KRT8: variants seen among roughly 807,000 people sequenced by gnomAD.
KRT8 encodes keratin 8.
In KRT8, 24 loss-of-function variants were observed where a neutral mutation model predicts 43.0. That is an observed-to-expected ratio of 0.56 (90% CI 0.40 to 0.78). The LOEUF is 0.78. Ranked by LOEUF, KRT8 falls within the 30% of genes least tolerant of loss-of-function variation. The probability of loss-of-function intolerance (pLI) is 0.00; values close to 1 mark genes in which losing one functional copy is unlikely to be tolerated. For missense variants in KRT8, 492 were observed against 638.4 expected, an observed-to-expected ratio of 0.77 and a Z score of 2.47; for synonymous variants, 214 against 261.2, an observed-to-expected ratio of 0.82 and a Z score of 1.74.
intron 2 of KRT8, among the ~76,000 whole-genome samples, chr12:52,917,234 A>G (rs1425588525): frequency 2.6e-5 from 4 of 151,884 alleles, no homozygotes; most frequent in African/African-American, 2.4e-5. Flanking sequence ...TGGTAAAAAA[A>G]TATATATATA....
Position 52,901,814 on chromosome 12 carries a change from T to G in KRT8, c.533+50A>C, listed in dbSNP as rs780918554. The G allele has an allele frequency of 6.3e-5, 81 of 1,286,946 alleles. No individual in the cohort carries two copies. In the African/African-American group the frequency reaches 8.0e-4, roughly 13 times the overall value. The allele number at this position is 1,286,946 out of a possible 1,614,324, so 79.7% of individuals were successfully genotyped here. ...GACTTAGTCCCAAGGTCCCAAGGGGTGGAGGAGAGCACGGTGACTTCAGTT... is the reference window on the plus strand; with the variant it reads ...GACTTAGTCCCAAGGTCCCAAGGGGGGGAGGAGAGCACGGTGACTTCAGTT... On this transcript the variant is annotated intron_variant, in intron 2 of 7. Transcript: ENST00000692008.
At chr12:52,945,411 T>A (rs1942328557) in intron 2 of KRT8, among the ~76,000 whole-genome samples, 1 of 152,214 alleles carries the variant, frequency 6.6e-6, no homozygotes, top group African/African-American at 2.4e-5. Context: ...GTTTTGTGTA[T>A]AGACCCCATC....
rs1027757149 is a variant in KRT8 at position 52,919,387 on chromosome 12, C to A, written c.-46-14360G>T. ...GTTCAAGCAATTCTCCTGTCTCAGCCTCCCAAGTAGCTGGGACTACAGGCA... is the reference window on the plus strand; with the variant it reads ...GTTCAAGCAATTCTCCTGTCTCAGCATCCCAAGTAGCTGGGACTACAGGCA... On this transcript the variant is annotated intron_variant, in intron 2 of 6. Coordinates refer to the KRT8 transcript ENST00000546826. Among the ~76,000 whole-genome samples, 12 of 152,154 alleles carry A rather than the reference C, an allele frequency of 7.9e-5. 1 individual carries two copies. Among genetic ancestry groups the A allele is most frequent in the Admixed American group, 7.9e-4 (12 of 15,268 alleles).
intron 2 of KRT8, among the ~76,000 whole-genome samples, chr12:52,923,166 G>A (rs186936513): frequency 7.9e-5 from 12 of 152,236 alleles, no homozygotes; most frequent in Admixed American, 4.6e-4. Flanking sequence ...AAATCAAAGC[G>A]TTCTAAGGTT....
chr12:52,920,163 T>A (rs553133693), intron 2 of KRT8, among the ~76,000 whole-genome samples: 13 of 152,180 alleles, frequency 8.5e-5, no homozygotes, highest in Non-Finnish European at 2.9e-5. Context: ...TGTCAATAAC[T>A]CAAAAGGGAG....
rs1286075666 is a variant in KRT8 at position 52,918,088 on chromosome 12, GAA to G, written c.-46-13063_-46-13062del. Among the ~76,000 whole-genome samples the G allele has an allele frequency of 8.3e-4, 113 of 136,780 alleles. 3 individuals are homozygous for G. The highest frequency in any genetic ancestry group is 2.9e-3 in the African/African-American group (101 of 34,664). 89.7% of individuals were successfully genotyped at this position (136,780 alleles called of 152,430 possible). A position where few individuals can be genotyped will look rare whatever the true frequency, so the allele number is the denominator to read the frequency against. ...GAGAAGAAGAAGAGGAGGAGGAGGA[GAA>G]GAAGAAGAGGAAGAAGAAGAAGAAG... On this transcript the variant is annotated intron_variant, in intron 2 of 6. Transcript: ENST00000546826.
intron 2 of KRT8, among the ~76,000 whole-genome samples, chr12:52,933,717 CG>C (rs1230233507): frequency 3.3e-5 from 5 of 151,896 alleles, no homozygotes; most frequent in Non-Finnish European, 7.4e-5. Context: ...CTCCGCCTCC[CG>C]GGTTCAAGCA....
chr12:52,906,892 C>A, upstream of KRT8: 1 of 400,060 alleles, frequency 2.5e-6, no homozygotes, highest in Non-Finnish European at 5.0e-6. Flanking sequence ...GGACCCCTAC[C>A]CAGAAGGACA....
chr12:52,900,559 C>T (rs746267182), intron 4 of KRT8, 29 bp downstream of exon 4: 3 of 1,451,314 alleles, frequency 2.1e-6, no homozygotes, highest in Admixed American at 1.7e-5. Flanking sequence ...GGCTGGGGGA[C>T]CCTCACTCTC....
At chr12:52,900,002 G>A (rs941345175) in exon 5 of KRT8, 6 of 1,612,910 alleles carry the variant, frequency 3.7e-6, no homozygotes, top group Admixed American at 1.7e-5. Context: ...TCCAGGGAGC[G>A]GCTGTTGTCC....
At chr12:52,918,653 A>G (rs994971866) in intron 2 of KRT8, among the ~76,000 whole-genome samples, 1 of 152,216 alleles carries the variant, frequency 6.6e-6, no homozygotes, top group Non-Finnish European at 1.5e-5. Flanking sequence ...GAAAATGCAG[A>G]TAGTAACAAC....
At chr12:52,901,955 T>C in exon 2 of KRT8, 2 of 1,609,428 alleles carry the variant, frequency 1.2e-6, no homozygotes, top group Non-Finnish European at 1.7e-6. Flanking sequence ...AGCTGCCGCC[T>C]AAGGTTGTTG....
intron 2 of KRT8, among the ~76,000 whole-genome samples, chr12:52,931,075 T>C (rs1203321477): frequency 6.6e-6 from 1 of 151,508 alleles, no homozygotes; most frequent in Admixed American, 6.6e-5. Context: ...CAGATTCTTT[T>C]TTTTTTTTTT....
chr12:52,901,559 T>C (rs1941370610), intron 2 of KRT8: 2 of 562,086 alleles, frequency 3.6e-6, no homozygotes, highest in South Asian at 2.0e-5. Context: ...GAATGTTAAG[T>C]ACAAAAGTGA....
intron 2 of KRT8, among the ~76,000 whole-genome samples, chr12:52,914,312 G>A (rs1011239943): frequency 4.7e-5 from 7 of 150,218 alleles, no homozygotes; most frequent in Non-Finnish European, 8.9e-5. Flanking sequence ...CGAGGCAGGC[G>A]GATCACCTGA....
At chr12:52,917,239 T>C (rs150641227) in intron 2 of KRT8, among the ~76,000 whole-genome samples, 5 of 150,778 alleles carry the variant, frequency 3.3e-5, no homozygotes, top group South Asian at 2.1e-4. Flanking sequence ...AAAAAATATA[T>C]ATATACAAAA....
intron 2 of KRT8, among the ~76,000 whole-genome samples, chr12:52,924,768 T>C (rs577180302): frequency 7.9e-5 from 12 of 152,342 alleles, no homozygotes; most frequent in African/African-American, 2.9e-4. Flanking sequence ...CCGTTCCTTC[T>C]GTCTTTTGCC....
At chr12:52,925,738 T>C (rs903368567) in intron 2 of KRT8, among the ~76,000 whole-genome samples, 4 of 152,192 alleles carry the variant, frequency 2.6e-5, no homozygotes, top group Non-Finnish European at 5.9e-5. Flanking sequence ...CAATTATCCC[T>C]CTGTTCCTGA....
At chr12:52,948,939 G>A (rs1224024965) in intron 2 of KRT8, 2 of 436,762 alleles carry the variant, frequency 4.6e-6, no homozygotes, top group Non-Finnish European at 3.9e-6. Context: ...TTTCTGGGGG[G>A]TGAGCGGGGC....
Sources: gnomAD v4.1 joint callset for allele counts (sites outside exome capture counted in the v4.1 genomes callset) on GRCh38, gnomAD v4.1.1 for gene constraint, MANE v1.5 for transcripts, NCBI Gene and HGNC (gene_info 2026-07-23, HGNC 2026-07-21) for gene names.